The following SLC24A3 variants were observed in gnomAD, a reference collection of about 807,000 sequenced individuals.
The protein encoded by SLC24A3 is solute carrier family 24 member 3.
Under a neutral mutation model 75.8 loss-of-function variants are expected in SLC24A3, and 28 were observed. That is an observed-to-expected ratio of 0.37 (90% CI 0.27 to 0.51). SLC24A3 has a LOEUF of 0.51. SLC24A3 is among the 20% of genes least tolerant of loss of function. SLC24A3 has a pLI of 0.94. For missense variants in SLC24A3, 663 were observed against 847.8 expected (o/e 0.78, Z 2.71); for synonymous variants, 372 against 334.1 (o/e 1.11, Z -1.24).
chr20:19,396,348 A>T (rs1986453787), intron 2 of SLC24A3, among the ~76,000 whole-genome samples: 1 of 152,222 alleles, frequency 6.6e-6, no homozygotes, highest in Non-Finnish European at 1.5e-5. Context: ...TGAACAGGTA[A>T]ACTTGACTTG....
intron 6 of SLC24A3, among the ~76,000 whole-genome samples, chr20:19,648,551 CATA>C (rs1167378645): frequency 2.6e-5 from 4 of 151,282 alleles, no homozygotes; most frequent in Admixed American, 1.3e-4. Flanking sequence ...GAAAAGTTAT[CATA>C]AATATTATAT....
intron 1 of SLC24A3, among the ~76,000 whole-genome samples, chr20:19,267,673 C>G (rs1000034434): frequency 2.0e-5 from 3 of 152,028 alleles, no homozygotes; most frequent in Non-Finnish European, 4.4e-5. Context: ...TTATCATTTT[C>G]TTGATATGAT....
intron 3 of SLC24A3, among the ~76,000 whole-genome samples, chr20:19,551,500 C>G (rs1258920541): frequency 5.3e-5 from 8 of 152,180 alleles, no homozygotes; most frequent in Admixed American, 2.0e-4. Context: ...GCCTCCCCAT[C>G]CCACATTCTA....
intron 2 of SLC24A3, among the ~76,000 whole-genome samples, chr20:19,443,731 A>G (rs1209446165): frequency 6.6e-6 from 1 of 152,216 alleles, no homozygotes; most frequent in Non-Finnish European, 1.5e-5. Flanking sequence ...GTGAGAGGAA[A>G]CATCATTGCC....
intron 2 of SLC24A3, among the ~76,000 whole-genome samples, chr20:19,480,053 A>G (rs1197108559): frequency 6.6e-6 from 1 of 152,264 alleles, no homozygotes; most frequent in Non-Finnish European, 1.5e-5. Flanking sequence ...CAGGAAATGC[A>G]TATGAGGTGC....
chr20:19,462,441 C>CA (rs35737966), intron 2 of SLC24A3, among the ~76,000 whole-genome samples: 64,256 of 151,914 alleles, frequency 0.42, 16,302 homozygotes, highest in Non-Finnish European at 0.57. Flanking sequence ...AACAGGCTCC[C>CA]AGGGGCTGCT....
intron 4 of SLC24A3, among the ~76,000 whole-genome samples, chr20:19,582,145 C>T (rs929186687): frequency 6.6e-5 from 10 of 152,208 alleles, no homozygotes; most frequent in Admixed American, 1.3e-4. Context: ...TTCTAAGAGA[C>T]GTGGAATCAG....
At chr20:19,690,030 C>CATAAAA (rs2032727685) in intron 12 of SLC24A3, among the ~76,000 whole-genome samples, 1 of 87,828 alleles carries the variant, frequency 1.1e-5, no homozygotes, top group Non-Finnish European at 2.1e-5. Flanking sequence ...GACTCTGTCT[C>CATAAAA]AAAAAAAAAA....
chr20:19,698,508 A>G (rs2032836487), intron 14 of SLC24A3, 60 bp from the exon 15 acceptor site: 13 of 1,207,916 alleles, frequency 1.1e-5, no homozygotes, highest in Non-Finnish European at 1.4e-5. Flanking sequence ...GGCTTGGGAG[A>G]GTCCTGTGTG....
At chr20:19,470,751 C>T (rs529877418) in intron 2 of SLC24A3, among the ~76,000 whole-genome samples, 1 of 152,312 alleles carries the variant, frequency 6.6e-6, no homozygotes, top group African/African-American at 2.4e-5. Context: ...AAGTAGATCA[C>T]ACACGTATGC....
At chr20:19,647,850 A>T (rs1482282211) in intron 6 of SLC24A3, among the ~76,000 whole-genome samples, 1 of 152,196 alleles carries the variant, frequency 6.6e-6, no homozygotes, top group African/African-American at 2.4e-5. Context: ...ATCTGTCTCC[A>T]CTAGAAGCTT....
chr20:19,531,181 G>A (rs1467303381), intron 3 of SLC24A3, among the ~76,000 whole-genome samples: 2 of 152,014 alleles, frequency 1.3e-5, no homozygotes, highest in Non-Finnish European at 2.9e-5. Context: ...CAGCCACCAG[G>A]TTAACAGGCC....
In SLC24A3 at chr20:19,236,635, A is replaced by G. The variant is rs149079174; in HGVS notation, c.142+23651A>G. ...GCCAGGCATGGTGGTGCATGCCTGT[A>G]TTCCCAGCCACTGGGGAGGCTGAGG... On this transcript the variant is annotated intron_variant, in intron 1 of 16. Transcript: ENST00000328041. 2.1e-3 allele frequency among the ~76,000 whole-genome samples: 315 copies of G among 152,270 alleles called. 6 individuals carry two copies. Among genetic ancestry groups the G allele is most frequent in the East Asian group, 0.011 (59 of 5,170 alleles).
intron 6 of SLC24A3, among the ~76,000 whole-genome samples, chr20:19,642,384 G>A (rs1395842475): frequency 6.6e-6 from 1 of 152,182 alleles, no homozygotes; most frequent in Non-Finnish European, 1.5e-5. Flanking sequence ...CATCTGTTAT[G>A]GATAAATATT....
intron 6 of SLC24A3, among the ~76,000 whole-genome samples, chr20:19,608,349 C>T (rs2031625784): frequency 6.6e-6 from 1 of 152,160 alleles, no homozygotes; most frequent in South Asian, 2.1e-4. Context: ...GATTTAAATA[C>T]ATATTAAAGA....
chr20:19,325,804 A>G (rs1351678005), intron 2 of SLC24A3, among the ~76,000 whole-genome samples: 2 of 88,518 alleles, frequency 2.3e-5, no homozygotes, highest in African/African-American at 5.7e-5. Flanking sequence ...ATAGAGAGAG[A>G]GAGAGAGAGA....
chr20:19,684,969 A>T, intron 11 of SLC24A3, 131 bp from the exon 12 acceptor site: 1 of 1,183,738 alleles, frequency 8.4e-7, no homozygotes, highest in Non-Finnish European at 1.2e-6. Flanking sequence ...GAGGCCCCTT[A>T]AAACTTGACT....
chr20:19,400,296 G>T (rs1355661905), intron 2 of SLC24A3, among the ~76,000 whole-genome samples: 1 of 152,106 alleles, frequency 6.6e-6, no homozygotes, highest in Non-Finnish European at 1.5e-5. Flanking sequence ...TAGGTTACTT[G>T]GACACAGTTT....
intron 6 of SLC24A3, among the ~76,000 whole-genome samples, chr20:19,639,627 G>C (rs2032047705): frequency 6.6e-6 from 1 of 152,264 alleles, no homozygotes; most frequent in Non-Finnish European, 1.5e-5. Context: ...GCGCTGTGCA[G>C]CCGCACTCCT....
Sources: gnomAD v4.1 joint callset for allele counts (sites outside exome capture counted in the v4.1 genomes callset) on GRCh38, gnomAD v4.1.1 for gene constraint, MANE v1.5 for transcripts, NCBI Gene and HGNC (gene_info 2026-07-23, HGNC 2026-07-21) for gene names.